The following RPS6KA6 variants were observed in gnomAD, a reference collection of about 807,000 sequenced individuals.
The protein encoded by RPS6KA6 is ribosomal protein S6 kinase alpha-6.
A neutral mutation model predicts 65.4 loss-of-function variants in RPS6KA6; 27 were observed. That is an observed-to-expected ratio of 0.41 (90% CI 0.30 to 0.57). The LOEUF (loss-of-function observed/expected upper bound fraction) is 0.57, where lower values mean the gene tolerates loss of function less well. Ranked by LOEUF, RPS6KA6 falls within the 20% of genes least tolerant of loss-of-function variation. The pLI is 0.24. For missense variants in RPS6KA6, 486 were observed against 555.6 expected (o/e 0.87, Z 1.26); for synonymous variants, 190 against 184.2 (o/e 1.03, Z -0.26).
chrX:84,119,728 A>C (rs1489449449), intron 9 of RPS6KA6, among the ~76,000 whole-genome samples, 157 bp downstream of exon 9: 1 of 111,733 alleles, frequency 8.9e-6, no homozygotes, highest in East Asian at 2.8e-4. Flanking sequence ...CTTAATTTTT[A>C]TTGTGTAACA....
chrX:84,101,637 T>C (rs1021128935), intron 18 of RPS6KA6, among the ~76,000 whole-genome samples: 1 of 110,754 alleles, frequency 9.0e-6, no homozygotes, highest in Non-Finnish European at 1.9e-5. Flanking sequence ...TTAACATACC[T>C]GATGAATCTA....
chrX:84,110,354 T>C (rs1470828651), intron 12 of RPS6KA6, among the ~76,000 whole-genome samples: 1 of 112,209 alleles, frequency 8.9e-6, no homozygotes, highest in Non-Finnish European at 1.9e-5. Flanking sequence ...ATTGGGGTAT[T>C]TGTGTGCAAG....
intron 16 of RPS6KA6, 104 bp downstream of exon 16, chrX:84,105,683 T>A (rs971558506): frequency 4.8e-6 from 2 of 415,621 alleles, no homozygotes; most frequent in Non-Finnish European, 7.9e-6. Flanking sequence ...TTTTGAGGCA[T>A]GAAAATAAAT....
At chrX:84,151,936 G>A (rs2035334177) in intron 3 of RPS6KA6, among the ~76,000 whole-genome samples, 1 of 111,231 alleles carries the variant, frequency 9.0e-6, no homozygotes, top group African/African-American at 3.3e-5. Flanking sequence ...AAAGTCTTGG[G>A]ATTGTCCAGG....
intron 12 of RPS6KA6, among the ~76,000 whole-genome samples, chrX:84,111,042 G>A (rs2034460519): frequency 9.6e-6 from 1 of 104,556 alleles, no homozygotes; most frequent in Non-Finnish European, 2.0e-5. Flanking sequence ...AAAGATGAAA[G>A]GAATTTCAAA....
chrX:84,136,414 C>G (rs1464768747), intron 6 of RPS6KA6, among the ~76,000 whole-genome samples: 1 of 111,039 alleles, frequency 9.0e-6, no homozygotes, highest in Non-Finnish European at 1.9e-5. Context: ...GATATGCTAA[C>G]TACTTTTTAA....
At chrX:84,064,461 A>C (rs1228996247) in intron 21 of RPS6KA6, 59 bp from the exon 22 acceptor site, 2 of 1,058,777 alleles carry the variant, frequency 1.9e-6, no homozygotes, top group African/African-American at 1.9e-5. Context: ...AAAAAAAAAA[A>C]AACTTTCACA....
chrX:84,131,795 T>G (rs985324581), intron 8 of RPS6KA6, among the ~76,000 whole-genome samples: 30 of 111,698 alleles, frequency 2.7e-4, no homozygotes, highest in African/African-American at 9.4e-4. Flanking sequence ...TAAAAGAAAA[T>G]GTACAATTCA....
chrX:84,170,447 T>C (rs1340336182), intron 1 of RPS6KA6, among the ~76,000 whole-genome samples: 1 of 108,942 alleles, frequency 9.2e-6, no homozygotes, highest in African/African-American at 3.4e-5. Flanking sequence ...CTGGCCAACA[T>C]AGTGAAACCC....
intron 1 of RPS6KA6, among the ~76,000 whole-genome samples, chrX:84,172,104 C>T (rs1477422641): frequency 9.0e-6 from 1 of 111,607 alleles, no homozygotes; most frequent in Non-Finnish European, 1.9e-5. Flanking sequence ...AGGTTAGTTC[C>T]AAGTGTTTGC....
At chrX:84,150,878 TATATATATAGAGGATATATATAGG>T (rs1318353135) in intron 3 of RPS6KA6, among the ~76,000 whole-genome samples, 43 of 98,948 alleles carry the variant, frequency 4.3e-4, no homozygotes, top group East Asian at 1.5e-3. Flanking sequence ...ATATAGGATA[TATATATATAGAGGATATATATAGG>T]ATATATAGAG....
intron 3 of RPS6KA6, among the ~76,000 whole-genome samples, chrX:84,148,705 T>C (rs2035244160): frequency 9.0e-6 from 1 of 111,301 alleles, no homozygotes; most frequent in Non-Finnish European, 1.9e-5. Flanking sequence ...CCTATATACC[T>C]TAATTAAATA....
At position 84,060,662 on chromosome X, in the gene RPS6KA6, A is replaced by G. The variant is rs758779677; in HGVS notation, c.*3615T>C. 9.0e-6 allele frequency: 1 copy of G among 111,431 alleles called. No individual in the cohort carries two copies. The highest frequency in any genetic ancestry group is 9.6e-5 in the Admixed American group (1 of 10,424). 9.2% of individuals were successfully genotyped at this position (111,431 alleles called of 1,213,427 possible). A position where few individuals can be genotyped will look rare whatever the true frequency, so the allele number is the denominator to read the frequency against. On this transcript the variant is annotated 3_prime_UTR_variant, in exon 22 of 22. Transcript: ENST00000262752. ...TTTAAAAGTTTTTAAGAGAAAAGGTAGATTGAGAAGTAGAAAGGAAGTAGG... is the reference window on the plus strand; with the variant it reads ...TTTAAAAGTTTTTAAGAGAAAAGGTGGATTGAGAAGTAGAAAGGAAGTAGG...
chrX:84,161,243 G>C (rs2035506868), intron 2 of RPS6KA6, among the ~76,000 whole-genome samples: 1 of 111,243 alleles, frequency 9.0e-6, no homozygotes, highest in Non-Finnish European at 1.9e-5. Flanking sequence ...ATTGTAAGTT[G>C]AGGAACATAC....
At chrX:84,184,829 CAA>C (rs11445430) in intron 1 of RPS6KA6, among the ~76,000 whole-genome samples, 106 of 20,044 alleles carry the variant, frequency 5.3e-3, no homozygotes, top group African/African-American at 0.019. Context: ...GACCCTGACT[CAA>C]AAAAAAAAAA....
chrX:84,130,001 G>T (rs1315991277), intron 8 of RPS6KA6, among the ~76,000 whole-genome samples: 1 of 110,920 alleles, frequency 9.0e-6, no homozygotes, highest in East Asian at 2.8e-4. Flanking sequence ...CATATGATTG[G>T]ATTGTTTGTA....
intron 2 of RPS6KA6, among the ~76,000 whole-genome samples, chrX:84,158,999 T>C (rs975903021): frequency 2.7e-5 from 3 of 111,623 alleles, no homozygotes; most frequent in African/African-American, 9.8e-5. Context: ...AGATTTATAG[T>C]TATACAGATA....
chrX:84,156,595 A>G (rs1255096268), intron 2 of RPS6KA6, among the ~76,000 whole-genome samples: 2 of 111,621 alleles, frequency 1.8e-5, no homozygotes, highest in Non-Finnish European at 3.8e-5. Flanking sequence ...AGCTTTTTTA[A>G]ATAGTATTTC....
rs931349482 is a variant in RPS6KA6, at chrX:84,060,032, C to G, written c.*4245G>C. 1 of 111,519 alleles carries G rather than the reference C, an allele frequency of 9.0e-6. No individual in the cohort carries two copies. The highest frequency in any genetic ancestry group is 3.3e-5 in the African/African-American group (1 of 30,700). 9.2% of individuals were successfully genotyped at this position (111,519 alleles called of 1,213,427 possible). A position where few individuals can be genotyped will look rare whatever the true frequency, so the allele number is the denominator to read the frequency against. The stretch of plus-strand genomic sequence containing the variant: ...GCAACCAAACTGAATTTTAGGTGAT[C>G]AAGCATAACATTTTATTGAAAGTAT... On this transcript the variant is annotated 3_prime_UTR_variant, in exon 22 of 22. Transcript: ENST00000262752.
Sources: allele counts gnomAD v4.1 joint callset (sites outside exome capture counted in the v4.1 genomes callset), GRCh38; gene constraint gnomAD v4.1.1; transcripts MANE v1.5; gene names NCBI Gene and HGNC (gene_info 2026-07-23, HGNC 2026-07-21).